RERE: variants seen among roughly 807,000 people sequenced by gnomAD.
The protein encoded by RERE is arginine-glutamic acid dipeptide repeats protein.
In RERE, 40 loss-of-function variants were observed where a neutral mutation model predicts 146.1. The ratio of observed to expected loss-of-function variants is 0.27; its 90% CI spans 0.21 to 0.36. The LOEUF is 0.36. RERE is among the 10% of genes least tolerant of loss of function. RERE has a pLI of 1.00. For synonymous variants in RERE, 1,003 were observed against 866.0 expected (o/e 1.16, Z -2.78); for missense variants, 1,933 against 2,138.7 (o/e 0.90, Z 1.90).
At chr1:8,478,117 A>G (rs1644778445) in intron 10 of RERE, among the ~76,000 whole-genome samples, 1 of 152,224 alleles carries the variant, frequency 6.6e-6, no homozygotes, top group East Asian at 1.9e-4. Context: ...AACAGGTCTC[A>G]AAAGAAAAAA....
intron 8 of RERE, among the ~76,000 whole-genome samples, chr1:8,502,915 T>C (rs1301216365): frequency 6.6e-6 from 1 of 151,032 alleles, no homozygotes; most frequent in Non-Finnish European, 1.5e-5. Context: ...TCATCACCAC[T>C]CCCTAATCTT....
chr1:8,757,142 A>G (rs947445922), intron 1 of RERE, among the ~76,000 whole-genome samples: 3 of 151,892 alleles, frequency 2.0e-5, no homozygotes, highest in African/African-American at 7.3e-5. Context: ...GATGGCACTC[A>G]TAAAGATGGA....
At chr1:8,476,676 A>T (rs965644231) in intron 10 of RERE, among the ~76,000 whole-genome samples, 2 of 152,266 alleles carry the variant, frequency 1.3e-5, no homozygotes, top group Non-Finnish European at 2.9e-5. Context: ...TAACTTGCCT[A>T]TGCTTTATGA....
At chr1:8,641,405 A>C (rs1647175245) in intron 2 of RERE, among the ~76,000 whole-genome samples, 1 of 152,230 alleles carries the variant, frequency 6.6e-6, no homozygotes, top group Non-Finnish European at 1.5e-5. Context: ...GCTAAAGCTA[A>C]ATCTCCAGAG....
chr1:8,601,772 C>A (rs867020731), intron 4 of RERE, among the ~76,000 whole-genome samples: 2 of 138,886 alleles, frequency 1.4e-5, no homozygotes, highest in African/African-American at 5.1e-5. Context: ...CACACACACA[C>A]ACACAAACAC....
At chr1:8,434,060 T>A (rs923430889) in intron 11 of RERE, among the ~76,000 whole-genome samples, 28 of 152,226 alleles carry the variant, frequency 1.8e-4, no homozygotes, top group Admixed American at 5.9e-4. Context: ...TCTACCCTCC[T>A]CAGTTCATGA....
At position 8,684,856 on chromosome 1, in the gene RERE, AT is replaced by A. The variant is rs1639050290; in HGVS notation, c.-144-28416del. 1.7e-4 allele frequency among the ~76,000 whole-genome samples: 26 copies of A among 152,234 alleles called. 1 individual carries two copies. In the South Asian group the frequency reaches 5.4e-3, roughly 32 times the overall value. On this transcript the variant is annotated intron_variant, in intron 1 of 22. Transcript: ENST00000400908. Reference sequence around the variant, plus strand: ...TACTCATTCATCCATTCATTCATTCATTCATTCATTCCATTCATTTGAGACA... The same window carrying A: ...TACTCATTCATCCATTCATTCATTCATCATTCATTCCATTCATTTGAGACA...
chr1:8,529,582 G>A (rs752727000), intron 7 of RERE, among the ~76,000 whole-genome samples: 16 of 151,702 alleles, frequency 1.1e-4, no homozygotes, highest in African/African-American at 3.9e-4. Context: ...TTACAGGCGT[G>A]AGCCACCACG....
At chr1:8,615,793 C>T (rs1053704349) in intron 3 of RERE, among the ~76,000 whole-genome samples, 1 of 152,138 alleles carries the variant, frequency 6.6e-6, no homozygotes, top group African/African-American at 2.4e-5. Context: ...TAGACACACA[C>T]ACACACACAC....
At chr1:8,521,955 A>T (rs1645506998) in intron 7 of RERE, among the ~76,000 whole-genome samples, 1 of 152,268 alleles carries the variant, frequency 6.6e-6, no homozygotes, top group Non-Finnish European at 1.5e-5. Flanking sequence ...TGTGTAGCTC[A>T]AAGAAGTTTG....
chr1:8,590,521 G>C (rs1300659479), intron 4 of RERE, among the ~76,000 whole-genome samples: 1 of 152,166 alleles, frequency 6.6e-6, no homozygotes, highest in Admixed American at 6.5e-5. Flanking sequence ...GAAGGCCAGA[G>C]ATGCCCTGGG....
chr1:8,675,495 C>CAA (rs56912804), intron 1 of RERE, among the ~76,000 whole-genome samples: 12,990 of 90,108 alleles, frequency 0.14, 804 homozygotes, highest in Middle Eastern at 0.22. Flanking sequence ...CCCATCTCTA[C>CAA]AAAAAAAAAA....
chr1:8,417,355 C>T (rs374261421), intron 12 of RERE, among the ~76,000 whole-genome samples: 3 of 152,126 alleles, frequency 2.0e-5, no homozygotes, highest in Admixed American at 6.5e-5. Context: ...TAGTTACGTA[C>T]GTATTTAATA....
At chr1:8,545,468 G>A (rs1645847412) in intron 6 of RERE, among the ~76,000 whole-genome samples, 1 of 152,008 alleles carries the variant, frequency 6.6e-6, no homozygotes, top group African/African-American at 2.4e-5. Context: ...GAAAACTGTG[G>A]CCTAGAAATT....
chr1:8,527,979 G>A (rs1016469454), intron 7 of RERE, among the ~76,000 whole-genome samples: 2 of 152,180 alleles, frequency 1.3e-5, no homozygotes, highest in African/African-American at 2.4e-5. Flanking sequence ...CTGGGGAACT[G>A]CACCTCTCTT....
intron 8 of RERE, among the ~76,000 whole-genome samples, chr1:8,502,951 G>A (rs1427020959): frequency 6.6e-6 from 1 of 150,810 alleles, no homozygotes; most frequent in African/African-American, 2.4e-5. Flanking sequence ...CAAACACTTC[G>A]GAAGGCCGCA....
At chr1:8,391,542 T>C (rs1367799311) in intron 12 of RERE, among the ~76,000 whole-genome samples, 1 of 152,220 alleles carries the variant, frequency 6.6e-6, no homozygotes, top group Non-Finnish European at 1.5e-5. Flanking sequence ...GCTGATCCCT[T>C]GGCCTGGGGG....
chr1:8,657,245 T>C (rs1638341215), intron 1 of RERE, among the ~76,000 whole-genome samples: 1 of 143,004 alleles, frequency 7.0e-6, no homozygotes. Context: ...ACGGAGCTTG[T>C]AGTGAGCCGA....
At chr1:8,499,938 G>A (rs940029012) in intron 8 of RERE, among the ~76,000 whole-genome samples, 7 of 152,052 alleles carry the variant, frequency 4.6e-5, no homozygotes, top group African/African-American at 1.7e-4. Flanking sequence ...TGACCAACAC[G>A]GTGAAACCCT....
Sources: allele counts gnomAD v4.1 joint callset (sites outside exome capture counted in the v4.1 genomes callset), GRCh38; gene constraint gnomAD v4.1.1; transcripts MANE v1.5; gene names NCBI Gene and HGNC (gene_info 2026-07-23, HGNC 2026-07-21).